GPC5: variants seen among roughly 807,000 people sequenced by gnomAD.
GPC5 encodes the protein glypican-5.
GPC5 carries 47 observed loss-of-function variants against 53.9 expected under a neutral mutation model. The ratio of observed to expected loss-of-function variants is 0.87; its 90% CI spans 0.69 to 1.11. The LOEUF is 1.11. Among genes scored for constraint, GPC5 ranks in the 50% most tolerant of loss-of-function variants. GPC5 has a pLI of 0.00. For missense variants in GPC5, 748 were observed against 713.1 expected (o/e 1.05, Z -0.56); for synonymous variants, 286 against 263.3 (o/e 1.09, Z -0.84).
chr13:92,630,299 T>A (rs147806628), intron 7 of GPC5, among the ~76,000 whole-genome samples: 3 of 152,228 alleles, frequency 2.0e-5, no homozygotes, highest in African/African-American at 7.2e-5. Flanking sequence ...CAGAAAGAAT[T>A]GGCAATATAA....
intron 2 of GPC5, among the ~76,000 whole-genome samples, chr13:91,494,353 T>A (rs199825735): frequency 7.1e-6 from 1 of 139,930 alleles, no homozygotes; most frequent in Non-Finnish European, 1.5e-5. Context: ...ATTATTTTTA[T>A]TAATTATTAT....
At chr13:92,266,091 T>G (rs1379371170) in intron 7 of GPC5, among the ~76,000 whole-genome samples, 2 of 152,212 alleles carry the variant, frequency 1.3e-5, no homozygotes, top group Admixed American at 1.3e-4. Flanking sequence ...TTGCCTCTCA[T>G]TAGTCCCCAC....
rs111806914 is a variant in GPC5, at chr13:92,145,013, C to A, written c.1561+24C>A. The A allele has an allele frequency of 1.0e-5, 14 of 1,338,594 alleles. No individual in the cohort carries two copies. In the African/African-American group the frequency reaches 1.2e-4, roughly 12 times the overall value. 82.9% of individuals were successfully genotyped at this position (1,338,594 alleles called of 1,614,324 possible). A position where few individuals can be genotyped will look rare whatever the true frequency, so the allele number is the denominator to read the frequency against. On this transcript the variant is annotated intron_variant, in intron 7 of 7. Coordinates refer to ENST00000377067, the MANE Select transcript of GPC5 (RefSeq NM_004466.6). ...CTGTAAGTGTATGATTCTAACACCA[C>A]TTTTTTAAAACAATGATTTTGAAAT...
chr13:92,370,053 C>T (rs1210607129), intron 7 of GPC5, among the ~76,000 whole-genome samples: 1 of 152,134 alleles, frequency 6.6e-6, no homozygotes, highest in Admixed American at 6.5e-5. Context: ...AACCATCTTT[C>T]AAGTCAAGGC....
At chr13:91,622,895 G>A (rs1313530486) in intron 2 of GPC5, among the ~76,000 whole-genome samples, 1 of 152,150 alleles carries the variant, frequency 6.6e-6, no homozygotes, top group Non-Finnish European at 1.5e-5. Context: ...CAGATATTCA[G>A]TGATTCAGAG....
chr13:91,647,710 C>T (rs769365733), intron 2 of GPC5, among the ~76,000 whole-genome samples: 1 of 152,210 alleles, frequency 6.6e-6, no homozygotes, highest in Non-Finnish European at 1.5e-5. Flanking sequence ...CTCTAACCCT[C>T]CCTTCCTCTC....
rs527787523 is a variant in GPC5, at chr13:91,771,548, A to C, written c.1280+15128A>C. ...AAGGAAATAATTAAATGGTTATGGC[A>C]GACTAAAATGAAGAATATAATTTTG... On this transcript the variant is annotated intron_variant, in intron 5 of 7. Transcript: ENST00000377067. Among the ~76,000 whole-genome samples the C allele has an allele frequency of 1.4e-4, 22 of 152,304 alleles. No homozygotes were observed. In the South Asian group the frequency reaches 4.1e-3, roughly 29 times the overall value.
At chr13:91,889,989 G>A (rs551150501) in intron 5 of GPC5, among the ~76,000 whole-genome samples, 2 of 152,322 alleles carry the variant, frequency 1.3e-5, no homozygotes, top group South Asian at 4.1e-4. Flanking sequence ...GGGTATTTCA[G>A]TAGGAATATA....
At chr13:92,752,578 C>T (rs535360078) in intron 7 of GPC5, among the ~76,000 whole-genome samples, 7 of 152,180 alleles carry the variant, frequency 4.6e-5, no homozygotes, top group African/African-American at 1.7e-4. Flanking sequence ...TCTGAGGTAC[C>T]GGGTTCATCT....
At chr13:91,767,096 G>A (rs1014656045) in intron 5 of GPC5, among the ~76,000 whole-genome samples, 7 of 152,142 alleles carry the variant, frequency 4.6e-5, no homozygotes, top group Non-Finnish European at 1.0e-4. Flanking sequence ...TAAGACAAAG[G>A]CATATGCATT....
intron 6 of GPC5, among the ~76,000 whole-genome samples, chr13:92,119,366 A>G (rs9589436): frequency 0.023 from 3,215 of 140,164 alleles, 63 homozygotes; most frequent in African/African-American, 0.06. Context: ...CATATCACCT[A>G]TATACATTCA....
intron 7 of GPC5, among the ~76,000 whole-genome samples, chr13:92,661,305 T>C (rs1325389763): frequency 6.7e-6 from 1 of 148,412 alleles, no homozygotes; most frequent in African/African-American, 2.5e-5. Context: ...AAAAAAAACA[T>C]AAAAACTGAC....
chr13:92,264,027 A>G (rs2042783910), intron 7 of GPC5, among the ~76,000 whole-genome samples: 1 of 152,200 alleles, frequency 6.6e-6, no homozygotes, highest in Non-Finnish European at 1.5e-5. Context: ...TTCACATTGT[A>G]AACATACAGA....
At position 92,143,595 on chromosome 13, in the gene GPC5, A is replaced by G. The variant is rs185950041; in HGVS notation, c.1402-1235A>G. Among the ~76,000 whole-genome samples, 41 of 152,310 alleles carry G rather than the reference A, an allele frequency of 2.7e-4. No individual in the cohort carries two copies. The East Asian group carries it at 2.9e-3, about 11-fold the overall frequency. On this transcript the variant is annotated intron_variant, in intron 6 of 7. Coordinates refer to ENST00000377067, the MANE Select transcript of GPC5 (RefSeq NM_004466.6). ...TGTTTGCAAAATGCTGATAAAAATA[A>G]GAATTTAAAAATTACTGTCAAATTG...
intron 6 of GPC5, among the ~76,000 whole-genome samples, chr13:92,103,883 G>C (rs1305968954): frequency 6.6e-6 from 1 of 152,104 alleles, no homozygotes; most frequent in Non-Finnish European, 1.5e-5. Flanking sequence ...CATGAGTTGC[G>C]ATTCCCAGGA....
At chr13:92,461,246 T>G (rs1878466360) in intron 7 of GPC5, among the ~76,000 whole-genome samples, 4 of 152,170 alleles carry the variant, frequency 2.6e-5, no homozygotes, top group African/African-American at 9.7e-5. Flanking sequence ...AAAAATTCAT[T>G]AATTGATTCA....
rs528649738 is a variant in GPC5 at position 92,038,771 on chromosome 13, A to G, written c.1402-106059A>G. On this transcript the variant is annotated intron_variant, in intron 6 of 7. Coordinates refer to ENST00000377067, the MANE Select transcript of GPC5 (RefSeq NM_004466.6). The stretch of plus-strand genomic sequence containing the variant: ...CATATATGTATTACTCAATACCTTG[A>G]AAAAGAATGGGTTACCAAATGAGCG... Among the ~76,000 whole-genome samples the G allele has an allele frequency of 3.9e-5, 6 of 152,170 alleles. No homozygotes were observed. In the South Asian group the frequency reaches 1.2e-3, roughly 32 times the overall value.
intron 6 of GPC5, among the ~76,000 whole-genome samples, chr13:92,002,047 G>A (rs998552911): frequency 8.6e-5 from 13 of 152,014 alleles, no homozygotes; most frequent in African/African-American, 3.1e-4. Flanking sequence ...ACAATTTCTG[G>A]TACTGACATG....
intron 2 of GPC5, among the ~76,000 whole-genome samples, chr13:91,615,164 C>T (rs1052852257): frequency 1.8e-4 from 28 of 152,258 alleles, no homozygotes; most frequent in African/African-American, 6.7e-4. Flanking sequence ...AGGTTCAGTA[C>T]AGCCAAGGTG....
Sources: allele counts gnomAD v4.1 joint callset (sites outside exome capture counted in the v4.1 genomes callset), GRCh38; gene constraint gnomAD v4.1.1; transcripts MANE v1.5; gene names NCBI Gene and HGNC (gene_info 2026-07-23, HGNC 2026-07-21).